The following ITPR1 variants were observed in gnomAD, a reference collection of about 807,000 sequenced individuals.
ITPR1 encodes the protein inositol 1,4,5-trisphosphate-gated calcium channel ITPR1.
A neutral mutation model predicts 318.4 loss-of-function variants in ITPR1; 96 were observed. The observed-to-expected ratio is 0.30, with a 90% CI of 0.26 to 0.36. The LOEUF is 0.36. Among genes scored for constraint, ITPR1 ranks in the 10% least tolerant of loss-of-function variants. ITPR1 has a pLI of 1.00. For synonymous variants in ITPR1, 1,312 were observed against 1,289.9 expected (o/e 1.02, Z -0.37); for missense variants, 2,440 against 3,460.2 (o/e 0.71, Z 7.40).
At chr3:4,718,202 A>G (rs762846898) in intron 40 of ITPR1, among the ~76,000 whole-genome samples, 20 of 152,232 alleles carry the variant, frequency 1.3e-4, no homozygotes, top group Non-Finnish European at 2.5e-4. Flanking sequence ...ATGCTACCAG[A>G]AAATTTTAAT....
intron 4 of ITPR1, among the ~76,000 whole-genome samples, chr3:4,591,970 T>C (rs544236689): frequency 6.6e-6 from 1 of 152,240 alleles, no homozygotes. Context: ...TCTTAGAACT[T>C]CTTTTATTTT....
chr3:4,799,604 G>A (rs1168431163), intron 53 of ITPR1, among the ~76,000 whole-genome samples: 2 of 152,028 alleles, frequency 1.3e-5, no homozygotes, highest in Non-Finnish European at 2.9e-5. Context: ...TACATCTGAA[G>A]GAGACTCAAA....
At chr3:4,560,555 C>T (rs747683883) in intron 4 of ITPR1, among the ~76,000 whole-genome samples, 13 of 152,010 alleles carry the variant, frequency 8.6e-5, no homozygotes, top group Non-Finnish European at 1.6e-4. Flanking sequence ...GCATAAGAGG[C>T]GACTTTTGTG....
chr3:4,616,757 A>G (rs1029205952), intron 4 of ITPR1, among the ~76,000 whole-genome samples: 1 of 152,168 alleles, frequency 6.6e-6, no homozygotes. Flanking sequence ...AAAGAATGAA[A>G]TAGATTATTT....
intron 4 of ITPR1, among the ~76,000 whole-genome samples, chr3:4,548,497 G>A (rs2085246802): frequency 6.6e-6 from 1 of 152,160 alleles, no homozygotes; most frequent in African/African-American, 2.4e-5. Flanking sequence ...TTTCTGTCAT[G>A]CAGAAAACAA....
chr3:4,521,649 A>G (rs1367992750), intron 4 of ITPR1, among the ~76,000 whole-genome samples: 4 of 152,174 alleles, frequency 2.6e-5, no homozygotes, highest in Non-Finnish European at 5.9e-5. Flanking sequence ...TGGGAATTCT[A>G]GACGAGTCTG....
chr3:4,675,696 T>C (rs2094170055), intron 23 of ITPR1, among the ~76,000 whole-genome samples: 1 of 152,228 alleles, frequency 6.6e-6, no homozygotes, highest in Non-Finnish European at 1.5e-5. Flanking sequence ...TCTTGGTGGC[T>C]ATTTCCACTT....
chr3:4,825,632 A>C (rs893671835), intron 60 of ITPR1: 1 of 435,408 alleles, frequency 2.3e-6, no homozygotes, highest in Non-Finnish European at 4.6e-6. Flanking sequence ...ATAAGATGAC[A>C]CAGGAAGCAA....
intron 59 of ITPR1, among the ~76,000 whole-genome samples, chr3:4,817,097 A>G (rs1444494810): frequency 6.6e-6 from 1 of 152,162 alleles, no homozygotes; most frequent in Non-Finnish European, 1.5e-5. Flanking sequence ...GGGTTTAGTC[A>G]TGTCATCATC....
intron 4 of ITPR1, among the ~76,000 whole-genome samples, chr3:4,602,215 G>A (rs1305109254): frequency 2.0e-5 from 3 of 152,122 alleles, no homozygotes; most frequent in Non-Finnish European, 2.9e-5. Context: ...GAAAACATAC[G>A]TCTACATAAA....
At chr3:4,758,752 G>C (rs1054462886) in intron 44 of ITPR1, among the ~76,000 whole-genome samples, 18 of 152,196 alleles carry the variant, frequency 1.2e-4, no homozygotes, top group Non-Finnish European at 1.9e-4. Context: ...AGAACTGGAA[G>C]TCGGGAAACC....
chr3:4,514,792 A>G (rs147296476), intron 2 of ITPR1, among the ~76,000 whole-genome samples: 28 of 152,370 alleles, frequency 1.8e-4, no homozygotes, highest in African/African-American at 6.0e-4. Flanking sequence ...ATAAAGCTTT[A>G]TAATATAAGC....
intron 60 of ITPR1, chr3:4,831,242 G>C (rs1398218462): frequency 6.9e-6 from 2 of 290,752 alleles, no homozygotes; most frequent in Non-Finnish European, 1.4e-5. Flanking sequence ...TAAAACTTCA[G>C]TGTTTGCCTT....
intron 34 of ITPR1, 119 bp from the exon 35 acceptor site, chr3:4,699,694 T>C (rs1465876684): frequency 1.2e-5 from 10 of 854,852 alleles, no homozygotes; most frequent in African/African-American, 3.4e-5. Flanking sequence ...GGGAGAAATA[T>C]TGGCCAGCAG....
Position 4,710,310 on chromosome 3 carries a change from G to T in ITPR1, c.4843-15G>T. 1 of 1,532,646 alleles carries T rather than the reference G, an allele frequency of 6.5e-7. No homozygotes were observed. The highest frequency in any genetic ancestry group is 8.8e-7 in the Non-Finnish European group (1 of 1,131,864). 94.9% of individuals were successfully genotyped at this position (1,532,646 alleles called of 1,614,324 possible). A position where few individuals can be genotyped will look rare whatever the true frequency, so the allele number is the denominator to read the frequency against. On this transcript the variant is annotated splice_polypyrimidine_tract_variant and intron_variant, in intron 37 of 61. Transcript: ENST00000649015. The surrounding 1 kb of genome is among the most constrained non-coding windows in gnomAD (Gnocchi z 4.2). The stretch of plus-strand genomic sequence containing the variant: ...TCTGCCTGAGCCGTTGACTGAGGCT[G>T]TGTTTCCGTTTTAGGACATCGTCTC...
chr3:4,660,231 C>T (rs2093802866), intron 13 of ITPR1, among the ~76,000 whole-genome samples: 1 of 152,166 alleles, frequency 6.6e-6, no homozygotes, highest in African/African-American at 2.4e-5. Context: ...GAGGTTGAAT[C>T]TATACTTCCA....
intron 13 of ITPR1, among the ~76,000 whole-genome samples, chr3:4,659,536 A>G (rs1391390659): frequency 6.6e-6 from 1 of 152,116 alleles, no homozygotes; most frequent in South Asian, 2.1e-4. Context: ...AAATGCAAAA[A>G]TTTAACCGGG....
At chr3:4,531,128 A>G (rs1322479018) in intron 4 of ITPR1, among the ~76,000 whole-genome samples, 1 of 152,132 alleles carries the variant, frequency 6.6e-6, no homozygotes, top group Non-Finnish European at 1.5e-5. Context: ...ATCAAGGTGT[A>G]TCTGGGATTT....
At chr3:4,834,377 T>C (rs907421222) in intron 60 of ITPR1, among the ~76,000 whole-genome samples, 2 of 152,220 alleles carry the variant, frequency 1.3e-5, no homozygotes, top group Non-Finnish European at 2.9e-5. Flanking sequence ...AGTGGGACTT[T>C]GTATCTTTTT....
Sources: allele counts gnomAD v4.1 joint callset (sites outside exome capture counted in the v4.1 genomes callset), GRCh38; gene constraint gnomAD v4.1.1; non-coding constraint Gnocchi (gnomAD v3.1); transcripts MANE v1.5; gene names NCBI Gene and HGNC (gene_info 2026-07-23, HGNC 2026-07-21).